Variants in DNAH3 observed in about 807,000 individuals in gnomAD.
The protein encoded by DNAH3 is axonemal beta dynein heavy chain 3.
DNAH3 carries 332 observed loss-of-function variants against 432.5 expected under a neutral mutation model. The ratio of observed to expected loss-of-function variants is 0.77; its 90% CI spans 0.70 to 0.84. The LOEUF (loss-of-function observed/expected upper bound fraction) is 0.84. Ranked by LOEUF, DNAH3 falls within the 40% of genes least tolerant of loss-of-function variation. DNAH3 has a pLI of 0.00. For missense variants in DNAH3, 4,861 were observed against 5,114.0 expected (o/e 0.95, Z 1.51); for synonymous variants, 1,956 against 1,900.2 (o/e 1.03, Z -0.76).
At chr16:21,048,350 C>T (rs529881935) in intron 31 of DNAH3, among the ~76,000 whole-genome samples, 5 of 152,338 alleles carry the variant, frequency 3.3e-5, no homozygotes, top group African/African-American at 9.6e-5. Flanking sequence ...TAGGACCCTC[C>T]GAGCCAGGTG....
At chr16:21,085,314 C>A (rs554349124) in intron 19 of DNAH3, among the ~76,000 whole-genome samples, 1 of 151,910 alleles carries the variant, frequency 6.6e-6, no homozygotes, top group Non-Finnish European at 1.5e-5. Flanking sequence ...GAGGTTGAGG[C>A]GGGTGGATCA....
chr16:21,159,374 C>T, exon 1 of DNAH3: 1 of 1,614,144 alleles, frequency 6.2e-7, no homozygotes, highest in Non-Finnish European at 8.5e-7. Flanking sequence ...GGCTTTTGAA[C>T]GCTGAAAGGC....
chr16:20,941,205 G>A (rs2083794869), intron 59 of DNAH3, among the ~76,000 whole-genome samples, 196 bp downstream of exon 59: 1 of 152,218 alleles, frequency 6.6e-6, no homozygotes, highest in African/African-American at 2.4e-5. Flanking sequence ...GAATGGGAAT[G>A]AATGAATAGA....
intron 11 of DNAH3, among the ~76,000 whole-genome samples, chr16:21,118,221 T>C (rs966553145): frequency 2.0e-5 from 3 of 152,034 alleles, no homozygotes; most frequent in African/African-American, 7.3e-5. Flanking sequence ...CCTCAAGCAA[T>C]CCACCTGCCT....
intron 53 of DNAH3, among the ~76,000 whole-genome samples, chr16:20,960,717 AAAC>A (rs2084780476): frequency 6.6e-6 from 1 of 152,202 alleles, no homozygotes; most frequent in African/African-American, 2.4e-5. Flanking sequence ...ACAAACAAAC[AAAC>A]AAACAAAAGG....
Position 21,051,728 on chromosome 16 carries a change from C to A in DNAH3, c.4180G>T (p.Glu1394Ter), listed in dbSNP as rs2152743911. 6.2e-7 allele frequency: 1 copy of A among 1,613,996 alleles called. No homozygotes were observed. The highest frequency in any genetic ancestry group is 1.7e-4 in the Middle Eastern group (1 of 5,932). The change falls in exon 29 of 62, where the codon GAG becomes TAG. Residue 1394 changes from glutamate (E) to a stop codon, truncating the protein, a stop_gained. Coordinates refer to ENST00000261383, the Ensembl canonical transcript of DNAH3. LOFTEE classifies it high-confidence loss of function. ...AGCCGGGGGGAGTTTCCCAGGTACT[C>A]ATAGCCATACAAGGCTTCTGTGGTG...
intron 9 of DNAH3, among the ~76,000 whole-genome samples, chr16:21,124,558 CTGAT>C (rs765195762): frequency 1.3e-5 from 2 of 151,844 alleles, no homozygotes; most frequent in Non-Finnish European, 2.9e-5. Flanking sequence ...AAAATTGATA[CTGAT>C]TAATTGTACA....
At chr16:21,154,969 A>C (rs1375345465) in intron 1 of DNAH3, among the ~76,000 whole-genome samples, 1 of 106,510 alleles carries the variant, frequency 9.4e-6, no homozygotes, top group South Asian at 2.9e-4. Context: ...TTTTTTTTTG[A>C]GATGGAATCT....
rs9940369 is a variant in DNAH3 at position 21,058,978 on chromosome 16, C to T, written c.3814-782G>A. On this transcript the variant is annotated intron_variant, in intron 26 of 61. Coordinates refer to ENST00000261383, the Ensembl canonical transcript of DNAH3. ...ATGTAACAGACCTGCATGTTCTGCA[C>T]ATGTATCCCAGAACTTAAAGTAAAA... Among the ~76,000 whole-genome samples, 1,065 of 151,758 alleles carry T rather than the reference C, an allele frequency of 7.0e-3. 16 individuals carry two copies. Among genetic ancestry groups the T allele is most frequent in the African/African-American group, 0.025 (1,022 of 41,340 alleles).
chr16:20,937,931 C>G (rs910802486), intron 59 of DNAH3, among the ~76,000 whole-genome samples: 3 of 152,096 alleles, frequency 2.0e-5, no homozygotes, highest in Non-Finnish European at 2.9e-5. Context: ...CTTTATGTTA[C>G]GAGGCCCAGC....
chr16:20,936,507 G>A, intron 60 of DNAH3, 142 bp downstream of exon 60: 3 of 734,686 alleles, frequency 4.1e-6, no homozygotes, highest in East Asian at 2.7e-5. Flanking sequence ...TCTAACTCCA[G>A]GAAGACTGTT....
intron 44 of DNAH3, among the ~76,000 whole-genome samples, chr16:20,988,862 G>C (rs936811740): frequency 6.6e-6 from 1 of 151,780 alleles, no homozygotes; most frequent in Non-Finnish European, 1.5e-5. Flanking sequence ...TCGTCATCTC[G>C]CTGGCTCAGG....
chr16:21,104,757 C>T (rs1221591608), intron 15 of DNAH3, among the ~76,000 whole-genome samples, 163 bp from the exon 16 acceptor site: 1 of 152,136 alleles, frequency 6.6e-6, no homozygotes, highest in Admixed American at 6.6e-5. Flanking sequence ...TTACTAAGGG[C>T]CAGGCTAGAA....
rs143362024 is a variant in DNAH3 at position 20,964,239 on chromosome 16, T to G, written c.9645A>C (p.Pro3215=). The G allele has an allele frequency of 1.4e-4, 231 of 1,614,102 alleles. 1 individual carries two copies. The highest frequency in any genetic ancestry group is 4.9e-4 in the Middle Eastern group (3 of 6,084). Residue 3215 remains proline (P), a synonymous_variant, in exon 53 of 62, where the codon CCA becomes CCC. Coordinates refer to ENST00000261383, the Ensembl canonical transcript of DNAH3. ...ACTGGTTCTTTTTCTCTTCCAGCTC[T>G]GGCTTCTCCTTCGCAGCCACGATGC...
chr16:21,134,169 G>A, intron 7 of DNAH3, 90 bp downstream of exon 8: 2 of 1,287,046 alleles, frequency 1.6e-6, no homozygotes, highest in Non-Finnish European at 2.1e-6. Flanking sequence ...TGCTGTCAGG[G>A]CTACCCCCAC....
At chr16:21,092,068 C>T (rs2091551673) in intron 18 of DNAH3, among the ~76,000 whole-genome samples, 1 of 151,980 alleles carries the variant, frequency 6.6e-6, no homozygotes, top group Admixed American at 6.6e-5. Context: ...CAACACAATC[C>T]CAGTAAAAAT....
chr16:21,105,257 T>C (rs184821790), intron 15 of DNAH3, among the ~76,000 whole-genome samples: 50 of 152,302 alleles, frequency 3.3e-4, no homozygotes, highest in Admixed American at 3.3e-3. Flanking sequence ...CTGACATCCA[T>C]ACATTGTGAA....
intron 19 of DNAH3, among the ~76,000 whole-genome samples, chr16:21,084,076 G>A (rs1038344877): frequency 2.0e-5 from 3 of 151,768 alleles, no homozygotes; most frequent in Admixed American, 2.0e-4. Context: ...GAGTCAAACA[G>A]TGTAGAAAAA....
exon 53 of DNAH3, chr16:20,964,739 T>A (rs200216304): frequency 6.2e-7 from 1 of 1,614,042 alleles, no homozygotes; most frequent in Non-Finnish European, 8.5e-7. Flanking sequence ...CGGATTTTTA[T>A]GGGATCCCCT....
Sources: allele counts gnomAD v4.1 joint callset (sites outside exome capture counted in the v4.1 genomes callset), GRCh38; gene constraint gnomAD v4.1.1; transcripts MANE v1.5; gene names NCBI Gene and HGNC (gene_info 2026-07-23, HGNC 2026-07-21).